Variants in MECOM observed in about 807,000 individuals in gnomAD.
MECOM encodes histone-lysine N-methyltransferase MECOM.
MECOM carries 13 observed loss-of-function variants against 116.3 expected under a neutral mutation model. That is an observed-to-expected ratio of 0.11 (90% confidence interval 0.07 to 0.18). The LOEUF (loss-of-function observed/expected upper bound fraction) is 0.18. Among genes scored for constraint, MECOM ranks in the 10% least tolerant of loss-of-function variants. The pLI, the probability that MECOM is intolerant of heterozygous loss-of-function variation, is 1.00. For missense variants in MECOM, 1,299 were observed against 1,509.0 expected (o/e 0.86, Z 2.31); for synonymous variants, 528 against 535.2 (o/e 0.99, Z 0.19).
intron 2 of MECOM, among the ~76,000 whole-genome samples, chr3:169,188,316 G>A (rs2149414209): frequency 6.6e-6 from 1 of 152,098 alleles, no homozygotes; most frequent in Admixed American, 6.6e-5. Context: ...GAAGAAAAAG[G>A]TAAAGGAGAA....
At chr3:169,087,048 G>A (rs890166652) in intron 16 of MECOM, among the ~76,000 whole-genome samples, 5 of 152,124 alleles carry the variant, frequency 3.3e-5, no homozygotes, top group Non-Finnish European at 5.9e-5. Flanking sequence ...TATATAACAT[G>A]ATCAAGTAAC....
chr3:169,552,980 T>G (rs1180506389), intron 1 of MECOM, among the ~76,000 whole-genome samples: 1 of 152,000 alleles, frequency 6.6e-6, no homozygotes, highest in East Asian at 1.9e-4. Flanking sequence ...CTTATAATAT[T>G]TTATAGACAA....
At chr3:169,622,375 G>A (rs1770855114) in intron 1 of MECOM, among the ~76,000 whole-genome samples, 1 of 152,268 alleles carries the variant, frequency 6.6e-6, no homozygotes, top group East Asian at 1.9e-4. Flanking sequence ...TACAGGGTAT[G>A]AGCCACTGTG....
At chr3:169,319,559 T>TA (rs59419055) in intron 2 of MECOM, among the ~76,000 whole-genome samples, 69,784 of 150,342 alleles carry the variant, frequency 0.46, 17,543 homozygotes, top group East Asian at 0.71. Flanking sequence ...TAAAGTATAA[T>TA]AAAAAAAAAA....
At chr3:169,295,258 T>C (rs905683952) in intron 2 of MECOM, among the ~76,000 whole-genome samples, 2 of 152,312 alleles carry the variant, frequency 1.3e-5, no homozygotes, top group Non-Finnish European at 2.9e-5. Flanking sequence ...AGATTTCCTA[T>C]TGCTTTTATT....
At chr3:169,412,330 A>G (rs1021677183) in intron 1 of MECOM, among the ~76,000 whole-genome samples, 16 of 151,744 alleles carry the variant, frequency 1.1e-4, no homozygotes, top group Non-Finnish European at 1.3e-4. Flanking sequence ...AGATAAAAAT[A>G]AATTAATTAA....
chr3:169,424,984 G>A (rs1310427565), intron 1 of MECOM, among the ~76,000 whole-genome samples: 1 of 151,750 alleles, frequency 6.6e-6, no homozygotes, highest in Admixed American at 6.6e-5. Context: ...ATATACTACA[G>A]AAACACTCAA....
At position 169,483,208 on chromosome 3, in the gene MECOM, T is replaced by A. The variant is rs57636770; in HGVS notation, c.38-101684A>T. ...TTGTTTTATTTTTATTTTTATTTTT[T>A]TTTTTTTTTTGCCCAGAAACCCGCA... On this transcript the variant is annotated intron_variant, in intron 1 of 16. Coordinates refer to ENST00000651503, the MANE Select transcript of MECOM (RefSeq NM_004991.4). 7.0e-3 allele frequency among the ~76,000 whole-genome samples: 917 copies of A among 130,456 alleles called. 11 individuals carry two copies. Among genetic ancestry groups the A allele is most frequent in the African/African-American group, 0.025 (750 of 30,498 alleles). 85.6% of individuals were successfully genotyped at this position (130,456 alleles called of 152,430 possible).
At chr3:169,629,743 T>A (rs1771849733) in intron 1 of MECOM, among the ~76,000 whole-genome samples, 1 of 152,152 alleles carries the variant, frequency 6.6e-6, no homozygotes, top group Non-Finnish European at 1.5e-5. Context: ...CAGGGACAAG[T>A]GGGGAGGTTT....
chr3:169,660,197 G>C (rs1356999365), intron 1 of MECOM, among the ~76,000 whole-genome samples: 1 of 152,144 alleles, frequency 6.6e-6, no homozygotes, highest in East Asian at 1.9e-4. Context: ...AAAACGGCTG[G>C]GAAGTCTCCC....
intron 1 of MECOM, among the ~76,000 whole-genome samples, chr3:169,662,823 CCAAACCCCAGAAA>C (rs1392123640): frequency 6.6e-6 from 1 of 152,052 alleles, no homozygotes; most frequent in Non-Finnish European, 1.5e-5. Context: ...CCTACCCTAC[CCAAACCCCAGAAA>C]CAAACCGAGG....
chr3:169,626,314 CT>C (rs1187977656), intron 1 of MECOM, among the ~76,000 whole-genome samples: 2 of 152,200 alleles, frequency 1.3e-5, no homozygotes, highest in Admixed American at 1.3e-4. Flanking sequence ...GTAAATTTCT[CT>C]ATGTCTGACT....
intron 2 of MECOM, among the ~76,000 whole-genome samples, chr3:169,287,977 A>G (rs1383793771): frequency 6.6e-6 from 1 of 152,232 alleles, no homozygotes; most frequent in African/African-American, 2.4e-5. Flanking sequence ...CATTTAGAGT[A>G]ATTGTTAACA....
chr3:169,140,879 G>T (rs1251367993), intron 3 of MECOM, among the ~76,000 whole-genome samples: 1 of 151,888 alleles, frequency 6.6e-6, no homozygotes, highest in African/African-American at 2.4e-5. Context: ...CAAAATCCAT[G>T]CTGTTTCTAG....
At chr3:169,501,103 G>T (rs1215838312) in intron 1 of MECOM, among the ~76,000 whole-genome samples, 1 of 151,846 alleles carries the variant, frequency 6.6e-6, no homozygotes, top group Non-Finnish European at 1.5e-5. Context: ...ATACAATCAG[G>T]CCCCTCCAGA....
chr3:169,407,815 ATTG>A (rs1736934825), intron 1 of MECOM, among the ~76,000 whole-genome samples: 1 of 152,192 alleles, frequency 6.6e-6, no homozygotes, highest in Non-Finnish European at 1.5e-5. Context: ...GAGTCTTTAT[ATTG>A]TTATATGTAA....
chr3:169,306,225 G>T (rs1254654734), intron 2 of MECOM, among the ~76,000 whole-genome samples: 3 of 152,012 alleles, frequency 2.0e-5, no homozygotes, highest in Non-Finnish European at 2.9e-5. Flanking sequence ...AAGTTCAATA[G>T]ATTTTTATTA....
intron 2 of MECOM, chr3:169,147,675 G>A (rs1446050411): frequency 1.0e-6 from 1 of 985,146 alleles, no homozygotes; most frequent in African/African-American, 1.8e-5. Context: ...CTTTCCCCAG[G>A]GAAATAGCCT....
intron 1 of MECOM, among the ~76,000 whole-genome samples, chr3:169,524,647 C>T (rs772135311): frequency 1.3e-5 from 2 of 152,146 alleles, no homozygotes; most frequent in Non-Finnish European, 2.9e-5. Context: ...ACCCAGATAC[C>T]ACCATGATTT....
Sources: allele counts gnomAD v4.1 joint callset (sites outside exome capture counted in the v4.1 genomes callset), GRCh38; gene constraint gnomAD v4.1.1; transcripts MANE v1.5; gene names NCBI Gene and HGNC (gene_info 2026-07-23, HGNC 2026-07-21).